The following KCNH7 variants were observed in gnomAD, a reference collection of about 807,000 sequenced individuals.
KCNH7 encodes voltage-gated inwardly rectifying potassium channel KCNH7.
In KCNH7, 49 loss-of-function variants were observed where a neutral mutation model predicts 120.8. That is an observed-to-expected ratio of 0.41 (90% CI 0.32 to 0.51). KCNH7 has a LOEUF of 0.51. Among genes scored for constraint, KCNH7 ranks in the 20% least tolerant of loss-of-function variants. The pLI is 0.38. For missense variants in KCNH7, 1,097 were observed against 1,446.6 expected, an observed-to-expected ratio of 0.76 and a Z score of 3.92; for synonymous variants, 547 against 516.1, an observed-to-expected ratio of 1.06 and a Z score of -0.81.
chr2:162,768,293 G>T (rs184197633), intron 2 of KCNH7, among the ~76,000 whole-genome samples: 7 of 152,100 alleles, frequency 4.6e-5, no homozygotes, highest in Admixed American at 2.6e-4. Context: ...TTTGGAGAAA[G>T]GCCTCAAATT....
intron 2 of KCNH7, among the ~76,000 whole-genome samples, chr2:162,762,573 A>G (rs966788056): frequency 1.3e-5 from 2 of 152,056 alleles, no homozygotes; most frequent in Admixed American, 6.6e-5. Context: ...CAACACTAGC[A>G]GCATTGTACA....
chr2:162,464,709 G>T (rs886842292), intron 6 of KCNH7, among the ~76,000 whole-genome samples: 1 of 151,930 alleles, frequency 6.6e-6, no homozygotes, highest in African/African-American at 2.4e-5. Flanking sequence ...TACTCCCTTT[G>T]TGACAGTTCA....
At chr2:162,521,421 G>A (rs1275864060) in intron 3 of KCNH7, among the ~76,000 whole-genome samples, 1 of 151,866 alleles carries the variant, frequency 6.6e-6, no homozygotes, top group Non-Finnish European at 1.5e-5. Flanking sequence ...GAACTCAATA[G>A]TTCATGGAAA....
chr2:162,606,980 T>C (rs1039129939), intron 2 of KCNH7, among the ~76,000 whole-genome samples: 2 of 152,092 alleles, frequency 1.3e-5, no homozygotes, highest in Admixed American at 6.6e-5. Flanking sequence ...ACTAAAATTG[T>C]TTTTTGAGCA....
At chr2:162,481,721 T>C (rs2105683273) in intron 6 of KCNH7, among the ~76,000 whole-genome samples, 1 of 152,326 alleles carries the variant, frequency 6.6e-6, no homozygotes, top group Admixed American at 6.5e-5. Context: ...TGTTACTCCC[T>C]CTCATCAAGG....
chr2:162,378,868 A>G (rs904712227), intron 14 of KCNH7, among the ~76,000 whole-genome samples: 19 of 152,318 alleles, frequency 1.2e-4, no homozygotes, highest in African/African-American at 4.6e-4. Flanking sequence ...GTTATGGAGC[A>G]AGTGTGTGCC....
At chr2:162,444,780 T>C (rs997956926) in intron 7 of KCNH7, among the ~76,000 whole-genome samples, 7 of 152,146 alleles carry the variant, frequency 4.6e-5, no homozygotes, top group African/African-American at 4.8e-5. Context: ...TATATATTAA[T>C]AAAGAAATAT....
chr2:162,446,550 G>T (rs559161022), intron 6 of KCNH7, 107 bp from the exon 7 acceptor site: 2 of 775,276 alleles, frequency 2.6e-6, no homozygotes, highest in Admixed American at 3.0e-5. Flanking sequence ...TTATTAGAGA[G>T]AATTCATGTA....
chr2:162,411,785 A>C (rs1687398870), intron 9 of KCNH7, among the ~76,000 whole-genome samples: 1 of 151,682 alleles, frequency 6.6e-6, no homozygotes, highest in Admixed American at 6.6e-5. Context: ...TTTAAAATTG[A>C]AATCAACTTT....
chr2:162,555,415 T>A (rs1169980189), intron 2 of KCNH7, among the ~76,000 whole-genome samples: 1 of 152,224 alleles, frequency 6.6e-6, no homozygotes, highest in Non-Finnish European at 1.5e-5. Flanking sequence ...CTCTTTGACA[T>A]TTTATTTCAT....
intron 2 of KCNH7, among the ~76,000 whole-genome samples, chr2:162,688,732 CTT>C (rs71410027): frequency 4.4e-5 from 6 of 137,768 alleles, no homozygotes; most frequent in African/African-American, 5.3e-5. Context: ...TGCCCCCATT[CTT>C]TTTTTTTTTT....
At chr2:162,756,262 G>C (rs551872337) in intron 2 of KCNH7, among the ~76,000 whole-genome samples, 1 of 152,116 alleles carries the variant, frequency 6.6e-6, no homozygotes, top group Non-Finnish European at 1.5e-5. Flanking sequence ...AAAAGAGGTT[G>C]AATGATGTAC....
intron 2 of KCNH7, among the ~76,000 whole-genome samples, chr2:162,826,060 C>T (rs1207033375): frequency 6.6e-6 from 1 of 151,904 alleles, no homozygotes; most frequent in African/African-American, 2.4e-5. Context: ...TGGTGAAATC[C>T]TGTATCAGCA....
In KCNH7 at chr2:162,504,050, T is replaced by C. The variant is rs552490456; in HGVS notation, c.1128+393A>G. Among the ~76,000 whole-genome samples the C allele has an allele frequency of 3.9e-5, 6 of 152,148 alleles. 1 individual carries two copies. In the South Asian group the frequency reaches 1.2e-3, roughly 32 times the overall value. On this transcript the variant is annotated intron_variant, in intron 6 of 15. Transcript: ENST00000332142. ...ATTTAGTAGAGTAAGTCCAAAAGGA[T>C]ACCACAGTTCAGAGCAAATGCTAAT...
intron 2 of KCNH7, among the ~76,000 whole-genome samples, chr2:162,582,958 G>A (rs528678313): frequency 2.7e-4 from 41 of 152,050 alleles, no homozygotes; most frequent in Non-Finnish European, 5.9e-4. Flanking sequence ...ATCTTCCCAC[G>A]CTGAGTAGCA....
chr2:162,423,147 A>G (rs2105490116), intron 9 of KCNH7, 189 bp downstream of exon 9: 1 of 1,215,022 alleles, frequency 8.2e-7, no homozygotes, highest in Non-Finnish European at 1.1e-6. Flanking sequence ...GCCACACAGT[A>G]TAACTAGATA....
intron 7 of KCNH7, among the ~76,000 whole-genome samples, chr2:162,436,242 T>A (rs1355454096): frequency 6.6e-6 from 1 of 152,078 alleles, no homozygotes; most frequent in Non-Finnish European, 1.5e-5. Context: ...AAACCATCTG[T>A]ATAATGAGAA....
intron 5 of KCNH7, among the ~76,000 whole-genome samples, chr2:162,506,866 G>A (rs1690900519): frequency 6.6e-6 from 1 of 151,670 alleles, no homozygotes; most frequent in Non-Finnish European, 1.5e-5. Context: ...GATTTGTGGG[G>A]GCATTTTTTG....
chr2:162,448,710 G>A (rs1394684728), intron 6 of KCNH7, among the ~76,000 whole-genome samples: 1 of 152,038 alleles, frequency 6.6e-6, no homozygotes, highest in Non-Finnish European at 1.5e-5. Flanking sequence ...AACTGTGGCT[G>A]AAACTCTTTC....
Sources: allele counts gnomAD v4.1 joint callset (sites outside exome capture counted in the v4.1 genomes callset), GRCh38; gene constraint gnomAD v4.1.1; transcripts MANE v1.5; gene names NCBI Gene and HGNC (gene_info 2026-07-23, HGNC 2026-07-21).